Variants in PPARGC1A observed in about 807,000 individuals in gnomAD.
PPARGC1A encodes peroxisome proliferator-activated receptor gamma coactivator 1-alpha.
Under a neutral mutation model 88.7 loss-of-function variants are expected in PPARGC1A, and 25 were observed. The observed-to-expected ratio is 0.28, with a 90% CI of 0.21 to 0.39. The LOEUF is 0.39. Ranked by LOEUF, PPARGC1A falls within the 10% of genes least tolerant of loss-of-function variation. The pLI, the probability that PPARGC1A is intolerant of heterozygous loss-of-function variation, is 1.00. For synonymous variants in PPARGC1A, 363 were observed against 355.6 expected (o/e 1.02, Z -0.24); for missense variants, 880 against 968.7 (o/e 0.91, Z 1.22).
the PPARGC1A span, among the ~76,000 whole-genome samples, chr4:24,081,661 G>T: frequency 3.9e-5 from 6 of 152,058 alleles, no homozygotes; most frequent in South Asian, 1.2e-3. Context: ...GCTAAAAGAG[G>T]TTTCAGCATT....
chr4:24,198,479 C>G, the PPARGC1A span, among the ~76,000 whole-genome samples: 1 of 152,176 alleles, frequency 6.6e-6, no homozygotes, highest in Non-Finnish European at 1.5e-5. Context: ...AGCACATGCC[C>G]CCTCAGGGTC....
chr4:24,354,687 CCATA>C, the PPARGC1A span, among the ~76,000 whole-genome samples: 1 of 152,010 alleles, frequency 6.6e-6, no homozygotes, highest in Non-Finnish European at 1.5e-5. Context: ...GAGATCAAGA[CCATA>C]CTGGCTAACA....
chr4:23,956,468 A>G, the PPARGC1A span, among the ~76,000 whole-genome samples: 1 of 152,050 alleles, frequency 6.6e-6, no homozygotes, highest in Non-Finnish European at 1.5e-5. Context: ...TGACTCACAG[A>G]GTCAAACCAC....
the PPARGC1A span, among the ~76,000 whole-genome samples, chr4:23,929,295 T>A: frequency 1.3e-5 from 2 of 152,166 alleles, no homozygotes; most frequent in Non-Finnish European, 2.9e-5. Flanking sequence ...GCATGCTATA[T>A]GTGGTAGAAG....
At chr4:24,271,864 A>C in the PPARGC1A span, among the ~76,000 whole-genome samples, 2 of 152,286 alleles carry the variant, frequency 1.3e-5, no homozygotes, top group South Asian at 2.1e-4. Context: ...TCCTCAATAC[A>C]TCTATGTATT....
the PPARGC1A span, among the ~76,000 whole-genome samples, chr4:24,309,269 G>C: frequency 6.6e-6 from 1 of 152,170 alleles, no homozygotes; most frequent in Non-Finnish European, 1.5e-5. Context: ...GTAGCTTTAA[G>C]AAGGTGATAT....
the PPARGC1A span, among the ~76,000 whole-genome samples, chr4:24,173,271 T>A: frequency 7.0e-6 from 1 of 142,204 alleles, no homozygotes; most frequent in South Asian, 2.2e-4. Context: ...GGAGGTGAAA[T>A]ATCCATATTA....
intron 3 of PPARGC1A, among the ~76,000 whole-genome samples, chr4:23,830,676 A>C (rs1001323262): frequency 6.6e-6 from 1 of 152,208 alleles, no homozygotes; most frequent in Non-Finnish European, 1.5e-5. Context: ...CAAACACGAT[A>C]TTAGAGTCTG....
At chr4:23,897,408 C>T (rs1468129137) in intron 1 of PPARGC1A, among the ~76,000 whole-genome samples, 5 of 152,108 alleles carry the variant, frequency 3.3e-5, no homozygotes. Context: ...TGTCACTTGC[C>T]AGCAATTTGA....
the PPARGC1A span, among the ~76,000 whole-genome samples, chr4:24,462,131 G>C: frequency 2.0e-5 from 3 of 152,094 alleles, no homozygotes; most frequent in Admixed American, 6.5e-5. Context: ...CAACGCACAG[G>C]CTGGAGTGCA....
chr4:23,883,194 A>G (rs16874283), intron 2 of PPARGC1A: 10,770 of 152,152 alleles, frequency 0.071, 419 homozygotes, highest in African/African-American at 0.086. Flanking sequence ...ACTAACCACA[A>G]CCTTCAGTGT....
chr4:24,457,524 GTT>G, the PPARGC1A span, among the ~76,000 whole-genome samples: 1 of 130,586 alleles, frequency 7.7e-6, no homozygotes, highest in Non-Finnish European at 1.6e-5. Context: ...AAAAGATACT[GTT>G]TTTTGTTTGT....
the PPARGC1A span, among the ~76,000 whole-genome samples, chr4:23,970,426 AAAAAAC>A: frequency 2.0e-5 from 3 of 152,330 alleles, no homozygotes; most frequent in East Asian, 5.8e-4. Context: ...GCAACTTAGC[AAAAAAC>A]AAGCTGTTAG....
chr4:24,392,526 A>G, the PPARGC1A span, among the ~76,000 whole-genome samples: 2 of 152,178 alleles, frequency 1.3e-5, no homozygotes, highest in Non-Finnish European at 1.5e-5. Context: ...GATAAAAGGT[A>G]TGTTCCCATA....
chr4:24,341,232 T>TAC, the PPARGC1A span, among the ~76,000 whole-genome samples: 4 of 150,474 alleles, frequency 2.7e-5, no homozygotes, highest in African/African-American at 4.9e-5. Context: ...TATATATATA[T>TAC]ACACACACGT....
the PPARGC1A span, among the ~76,000 whole-genome samples, chr4:23,976,163 G>A: frequency 6.6e-6 from 1 of 152,224 alleles, no homozygotes; most frequent in Non-Finnish European, 1.5e-5. Flanking sequence ...GAGCACAAGG[G>A]TGAATAAACT....
In PPARGC1A at chr4:23,830,673, G is replaced by A. The variant is rs906849057; in HGVS notation, c.429+884C>T. 2.6e-5 allele frequency among the ~76,000 whole-genome samples: 4 copies of A among 152,270 alleles called. No homozygotes were observed. In the South Asian group the frequency reaches 6.2e-4, roughly 24 times the overall value. ...AACCTCTAAATGGCATGCCAAACACGATATTAGAGTCTGGAGGATCATGGC... is the reference window on the plus strand; with the variant it reads ...AACCTCTAAATGGCATGCCAAACACAATATTAGAGTCTGGAGGATCATGGC... On this transcript the variant is annotated intron_variant, in intron 3 of 12. Coordinates refer to ENST00000264867, the MANE Select transcript of PPARGC1A (RefSeq NM_013261.5).
the PPARGC1A span, among the ~76,000 whole-genome samples, chr4:24,416,729 C>T: frequency 6.6e-6 from 1 of 151,982 alleles, no homozygotes; most frequent in African/African-American, 2.4e-5. Flanking sequence ...TAGATGAAGC[C>T]ATTAAAAACA....
chr4:23,802,799 A>C (rs1020513639), intron 10 of PPARGC1A, among the ~76,000 whole-genome samples: 10 of 152,134 alleles, frequency 6.6e-5, no homozygotes, highest in African/African-American at 2.2e-4. Context: ...ATGGAAGGAA[A>C]GACTACATTT....
Sources: gnomAD v4.1 joint callset for allele counts (sites outside exome capture counted in the v4.1 genomes callset) on GRCh38, gnomAD v4.1.1 for gene constraint, MANE v1.5 for transcripts, NCBI Gene and HGNC (gene_info 2026-07-23, HGNC 2026-07-21) for gene names.